ASCC3: variants seen among roughly 807,000 people sequenced by gnomAD.
The protein encoded by ASCC3 is ASC-1 complex subunit P200.
A neutral mutation model predicts 256.3 loss-of-function variants in ASCC3; 158 were observed. The observed-to-expected ratio is 0.62, with a 90% CI of 0.54 to 0.70. The LOEUF (loss-of-function observed/expected upper bound fraction) is 0.70, where lower values mean the gene tolerates loss of function less well. ASCC3 is among the 30% of genes least tolerant of loss of function. ASCC3 has a pLI of 0.00. For missense variants in ASCC3, 2,259 were observed against 2,626.0 expected, an observed-to-expected ratio of 0.86 and a Z score of 3.05; for synonymous variants, 948 against 883.4, an observed-to-expected ratio of 1.07 and a Z score of -1.30.
Position 100,848,266 on chromosome 6 carries a change from T to C in ASCC3, c.683A>G (p.Glu228Gly), listed in dbSNP as rs749652427. 1.9e-6 allele frequency: 3 copies of C among 1,614,124 alleles called. No homozygotes were observed. Among genetic ancestry groups the C allele is most frequent in the Non-Finnish European group, 1.7e-6 (2 of 1,180,000 alleles). ...CTTCAAAGTTGAATTTAGGTACTTT[T>C]CAACTTCACACCACAAAAAGGAGCC... Reference protein sequence around the residue: ...TNGSFLWCEVEKYLNSTLKEM... With the variant: ...TNGSFLWCEVGKYLNSTLKEM... The change falls in exon 4 of 42, where the codon GAA (glutamate) becomes GGA (glycine). Residue 228 changes from glutamate (E) to glycine (G), a missense_variant. This residue lies in a region of ASCC3 where 420 missense variants were observed against 419.3 expected (regional missense o/e 1.00). Coordinates refer to ENST00000369162, the MANE Select transcript of ASCC3 (RefSeq NM_006828.4).
rs1053400602 is a variant in ASCC3 at position 100,554,474 on chromosome 6, G to C, written c.5551-14087C>G. Reference sequence around the variant, plus strand: ...GATAAGAGGGCACTTGTACAGTGGGGATGGCAGCCTGCTCGATGTGAGACT... The same window carrying C: ...GATAAGAGGGCACTTGTACAGTGGGCATGGCAGCCTGCTCGATGTGAGACT... On this transcript the variant is annotated intron_variant, in intron 36 of 41. Transcript: ENST00000369162. Among the ~76,000 whole-genome samples, 6 of 152,276 alleles carry C rather than the reference G, an allele frequency of 3.9e-5. No individual in the cohort carries two copies. In the South Asian group the frequency reaches 1.2e-3, roughly 32 times the overall value.
intron 8 of ASCC3, among the ~76,000 whole-genome samples, chr6:100,781,396 G>A (rs1782442523): frequency 6.6e-6 from 1 of 151,880 alleles, no homozygotes. Flanking sequence ...GTTTTGTTTT[G>A]TTTTTAAGAC....
chr6:100,650,105 T>C (rs998752903), intron 20 of ASCC3, among the ~76,000 whole-genome samples: 2 of 151,706 alleles, frequency 1.3e-5, no homozygotes, highest in African/African-American at 4.8e-5. Context: ...TACTACGCCT[T>C]GTTTAATGAT....
intron 4 of ASCC3, among the ~76,000 whole-genome samples, chr6:100,825,818 T>C (rs1030729535): frequency 9.2e-5 from 14 of 152,046 alleles, no homozygotes; most frequent in African/African-American, 2.2e-4. Flanking sequence ...TTCTTTTTTC[T>C]CTAATCTTGT....
At chr6:100,700,650 A>C (rs1582720596) in intron 13 of ASCC3, among the ~76,000 whole-genome samples, 1 of 152,230 alleles carries the variant, frequency 6.6e-6, no homozygotes, top group East Asian at 1.9e-4. Flanking sequence ...CACCTCTTGC[A>C]TTCAGCATGA....
At chr6:100,837,465 GC>G (rs1365041949) in intron 4 of ASCC3, among the ~76,000 whole-genome samples, 2 of 152,024 alleles carry the variant, frequency 1.3e-5, no homozygotes, top group Non-Finnish European at 2.9e-5. Flanking sequence ...ATTCACAACA[GC>G]CAAGATATGA....
rs1441048203 is a variant in ASCC3, at chr6:100,644,061, A to G, written c.3702T>C (p.His1234=). The G allele has an allele frequency of 1.2e-6, 2 of 1,612,714 alleles. No homozygotes were observed. Among genetic ancestry groups the G allele is most frequent in the Admixed American group, 1.7e-5 (1 of 60,012 alleles). The change falls in exon 23 of 42, where the codon CAT becomes CAC. Residue 1234 remains histidine (H), a synonymous_variant. Coordinates refer to ENST00000369162, the MANE Select transcript of ASCC3 (RefSeq NM_006828.4). ...TTTTTAGAGCTAGAAAATACTCTGA[A>G]TGATAAATATGATCATTTGTAGGAT... The part of the protein sequence containing the change: ...VEDPTNDHIY[H]SEYFLALKKQ...
chr6:100,720,541 G>A (rs898035989), intron 11 of ASCC3, among the ~76,000 whole-genome samples: 1 of 151,780 alleles, frequency 6.6e-6, no homozygotes, highest in South Asian at 2.1e-4. Context: ...TTTTGAAAGA[G>A]GGTCAATGAT....
At chr6:100,689,871 C>G (rs78634839) in intron 13 of ASCC3, among the ~76,000 whole-genome samples, 2 of 151,682 alleles carry the variant, frequency 1.3e-5, no homozygotes, top group African/African-American at 2.4e-5. Context: ...TACATGTATG[C>G]GTATTTTAGT....
At chr6:100,839,066 T>C (rs1455010027) in intron 4 of ASCC3, among the ~76,000 whole-genome samples, 1 of 152,052 alleles carries the variant, frequency 6.6e-6, no homozygotes, top group Non-Finnish European at 1.5e-5. Context: ...TCTTATTTCT[T>C]CCCCATATCA....
Position 100,679,648 on chromosome 6 carries a change from T to C in ASCC3, c.2256A>G (p.Gln752=). The C allele has an allele frequency of 6.2e-7, 1 of 1,613,680 alleles. No individual in the cohort carries two copies. Among genetic ancestry groups the C allele is most frequent in the African/African-American group, 1.3e-5 (1 of 75,040 alleles). ...CGHIPFFFPT[Q]GHDYVLAEKQ... Reference sequence around the variant, plus strand: ...TTTCTGCAAGTACATAGTCATGTCCTTGGGTAGGAAAAAAGAAGGGAATAT... The same window carrying C: ...TTTCTGCAAGTACATAGTCATGTCCCTGGGTAGGAAAAAAGAAGGGAATAT... Residue 752 remains glutamine (Q), a synonymous_variant, in exon 14 of 42, where the codon CAA becomes CAG. Transcript: ENST00000369162.
At chr6:100,659,760 G>C (rs920768640) in intron 16 of ASCC3, among the ~76,000 whole-genome samples, 1 of 151,464 alleles carries the variant, frequency 6.6e-6, no homozygotes, top group Non-Finnish European at 1.5e-5. Flanking sequence ...ATTACAAAAA[G>C]CTATTAAGGA....
At chr6:100,855,487 T>C (rs1207273868) in intron 3 of ASCC3, among the ~76,000 whole-genome samples, 1 of 152,260 alleles carries the variant, frequency 6.6e-6, no homozygotes, top group Non-Finnish European at 1.5e-5. Flanking sequence ...ACACAGCTGA[T>C]ACATTTGCAA....
At chr6:100,551,308 A>C (rs1042346944) in intron 36 of ASCC3, among the ~76,000 whole-genome samples, 11 of 151,944 alleles carry the variant, frequency 7.2e-5, no homozygotes, top group Non-Finnish European at 1.0e-4. Flanking sequence ...ACCTTAATCA[A>C]AGATAATCAC....
At chr6:100,561,398 A>G (rs1769944323) in intron 36 of ASCC3, among the ~76,000 whole-genome samples, 1 of 152,122 alleles carries the variant, frequency 6.6e-6, no homozygotes, top group Non-Finnish European at 1.5e-5. Flanking sequence ...TATACGTAGA[A>G]ACTTCATTAA....
chr6:100,855,083 A>G (rs893688895), intron 3 of ASCC3, among the ~76,000 whole-genome samples: 4 of 151,514 alleles, frequency 2.6e-5, no homozygotes, highest in Non-Finnish European at 5.9e-5. Flanking sequence ...CTAATCTACT[A>G]ATAAACTAAA....
intron 3 of ASCC3, among the ~76,000 whole-genome samples, chr6:100,863,412 G>A (rs774454123): frequency 2.6e-5 from 4 of 152,098 alleles, no homozygotes; most frequent in Non-Finnish European, 4.4e-5. Flanking sequence ...TATAATAAGC[G>A]ACTGAGCTAC....
At chr6:100,641,427 T>C (rs1274136316) in intron 24 of ASCC3, among the ~76,000 whole-genome samples, 1 of 152,222 alleles carries the variant, frequency 6.6e-6, no homozygotes, top group African/African-American at 2.4e-5. Flanking sequence ...GTGGTTTTGA[T>C]TGGCATTTCT....
intron 4 of ASCC3, among the ~76,000 whole-genome samples, chr6:100,819,438 C>T (rs977233287): frequency 1.3e-5 from 2 of 152,152 alleles, no homozygotes; most frequent in African/African-American, 2.4e-5. Context: ...TTGACTCACA[C>T]GATCACAAGG....
Sources: allele counts gnomAD v4.1 joint callset (sites outside exome capture counted in the v4.1 genomes callset), GRCh38; gene constraint gnomAD v4.1.1; regional missense constraint gnomAD v4.1.1; transcripts MANE v1.5; gene names NCBI Gene and HGNC (gene_info 2026-07-23, HGNC 2026-07-21).